Variants in LPA observed in about 807,000 individuals in gnomAD.
LPA encodes lipoprotein(a).
Under a neutral mutation model 197.9 loss-of-function variants are expected in LPA, and 199 were observed. That is an observed-to-expected ratio of 1.01 (90% CI 0.90 to 1.13). The LOEUF (loss-of-function observed/expected upper bound fraction) is 1.13. Ranked by LOEUF, LPA falls within the 50% of genes most tolerant of loss-of-function variation. LPA has a pLI of 0.00. For missense variants in LPA, 1,853 were observed against 1,785.8 expected (o/e 1.04, Z -0.68); for synonymous variants, 715 against 639.5 (o/e 1.12, Z -1.78).
intron 28 of LPA, among the ~76,000 whole-genome samples, chr6:160,574,450 G>A (rs550942199): frequency 2.6e-5 from 4 of 152,042 alleles, no homozygotes; most frequent in Non-Finnish European, 5.9e-5. Context: ...TTGTTAGAAA[G>A]TTCAGGTAGA....
chr6:160,569,803 C>G (rs953458151), intron 28 of LPA, among the ~76,000 whole-genome samples: 1 of 152,100 alleles, frequency 6.6e-6, no homozygotes, highest in Non-Finnish European at 1.5e-5. Context: ...AATCAAACAA[C>G]CCCATCAAAA....
At chr6:160,586,008 CAT>C (rs1302616743) in intron 25 of LPA, among the ~76,000 whole-genome samples, 1 of 152,058 alleles carries the variant, frequency 6.6e-6, no homozygotes, top group Non-Finnish European at 1.5e-5. Flanking sequence ...CTAATGAAGA[CAT>C]GTTAGGTTTC....
intron 28 of LPA, among the ~76,000 whole-genome samples, chr6:160,567,225 A>G (rs1274437068): frequency 1.3e-5 from 2 of 152,252 alleles, no homozygotes; most frequent in East Asian, 3.8e-4. Flanking sequence ...TTATTCTGAA[A>G]TTGACCAGAT....
At chr6:160,650,736 C>A (rs1387862995) in intron 1 of LPA, among the ~76,000 whole-genome samples, 1 of 152,178 alleles carries the variant, frequency 6.6e-6, no homozygotes, top group Non-Finnish European at 1.5e-5. Context: ...TATCAGAATT[C>A]TTCTCACCAG....
intron 16 of LPA, 115 bp downstream of exon 16, chr6:160,611,447 A>T: frequency 6.6e-7 from 1 of 1,526,294 alleles, no homozygotes; most frequent in East Asian, 2.2e-5. Flanking sequence ...ACATTTTGCT[A>T]CACCATCTGA....
At chr6:160,634,662 C>T (rs1176609207) in intron 7 of LPA, among the ~76,000 whole-genome samples, 4 of 151,404 alleles carry the variant, frequency 2.6e-5, no homozygotes, top group Admixed American at 2.6e-4. Flanking sequence ...GACCCAGGAC[C>T]ATATGGAATT....
chr6:160,592,371 G>A (rs765765572), intron 22 of LPA, among the ~76,000 whole-genome samples: 13 of 148,010 alleles, frequency 8.8e-5, no homozygotes, highest in Non-Finnish European at 1.7e-4. Context: ...ACTTTTCTCA[G>A]TTTTTAAATT....
intron 31 of LPA, 21 bp downstream of exon 31, chr6:160,548,457 G>A: frequency 6.2e-7 from 1 of 1,612,568 alleles, no homozygotes; most frequent in African/African-American, 1.3e-5. Flanking sequence ...TGCTAGACAA[G>A]GTAAGACACA....
chr6:160,662,168 A>G (rs926714103), intron 1 of LPA, among the ~76,000 whole-genome samples: 1 of 152,110 alleles, frequency 6.6e-6, no homozygotes, highest in Non-Finnish European at 1.5e-5. Flanking sequence ...GGCAATGGGG[A>G]TTTAATAGGG....
chr6:160,585,109 C>A lies in LPA; in HGVS notation c.4226G>T (p.Cys1409Phe). 6.2e-7 allele frequency: 1 copy of A among 1,613,852 alleles called. No individual in the cohort carries two copies. The highest frequency in any genetic ancestry group is 1.1e-5 in the South Asian group (1 of 91,086). The change falls in exon 26 of 39, where the codon TGT (cysteine) becomes TTT (phenylalanine). Residue 1409 changes from cysteine to phenylalanine, a missense_variant. Physicochemically the swap from Cys to Phe is radical, Grantham distance 205. Around this residue, in one of 3 missense-constraint regions of LPA, gnomAD observed 1,737 missense variants for 1,504.4 expected, o/e 1.15. Coordinates refer to ENST00000316300, the MANE Select transcript of LPA (RefSeq NM_005577.4). ...TGGTGTCATAGACGACCAAGACTGA[C>A]ATGTTCTTCCTGTGATAGTGGTGGA... The part of the protein sequence containing the change: ...TLSTTITGRT[C>F]QSWSSMTPHW...
At chr6:160,583,888 A>G (rs912902192) in intron 26 of LPA, among the ~76,000 whole-genome samples, 9 of 152,122 alleles carry the variant, frequency 5.9e-5, no homozygotes, top group African/African-American at 2.2e-4. Flanking sequence ...TCCCTTTCTA[A>G]ACTATCTCAG....
chr6:160,584,925 T>G, intron 26 of LPA, 121 bp downstream of exon 26: 3 of 1,017,670 alleles, frequency 2.9e-6, no homozygotes, highest in Non-Finnish European at 4.6e-6. Flanking sequence ...CCTGAGACAT[T>G]TTGCTACAAA....
intron 28 of LPA, among the ~76,000 whole-genome samples, chr6:160,566,430 C>A (rs933505571): frequency 2.6e-5 from 4 of 152,122 alleles, no homozygotes; most frequent in Non-Finnish European, 5.9e-5. Flanking sequence ...CCTTTACAGA[C>A]AAGCAAATGC....
chr6:160,602,711 G>A (rs953703612), intron 18 of LPA, among the ~76,000 whole-genome samples: 2 of 152,190 alleles, frequency 1.3e-5, no homozygotes, highest in East Asian at 1.9e-4. Flanking sequence ...TTTATTTGGG[G>A]CAGTGCACAA....
chr6:160,581,490 G>T (rs999437725), intron 26 of LPA, among the ~76,000 whole-genome samples: 1 of 152,022 alleles, frequency 6.6e-6, no homozygotes, highest in Non-Finnish European at 1.5e-5. Context: ...TTGTAGAGAT[G>T]AGGGTCTTGC....
rs762751349 is a variant in LPA at position 160,545,498 on chromosome 6, G to A, written c.5340C>T (p.Pro1780=). 3 of 1,613,504 alleles carry A rather than the reference G, an allele frequency of 1.9e-6. No homozygotes were observed. The highest frequency in any genetic ancestry group is 1.7e-6 in the Non-Finnish European group (2 of 1,179,614). The change falls in exon 33 of 39, where the codon CCC becomes CCT. Residue 1780 remains proline (P), a synonymous_variant. Coordinates refer to ENST00000316300, the MANE Select transcript of LPA (RefSeq NM_005577.4). ...CRNPDGDING[P]WCYTMNPRKL... Reference sequence around the variant, plus strand: ...TTCTTGGATTCATTGTGTAGCACCAGGGACCATTGATGTCACCATCAGGGT... The same window carrying A: ...TTCTTGGATTCATTGTGTAGCACCAAGGACCATTGATGTCACCATCAGGGT...
rs1554230951 is a variant in LPA at position 160,545,375 on chromosome 6, T to TG, written c.5398+64dup. On this transcript the variant is annotated intron_variant, in intron 33 of 38. Transcript: ENST00000316300. ...CTCAAAAGCCATTTTCTGTTTTTTTTGCTTTTTTTTTTCCAAATCCATATT... is the reference window on the plus strand; with the variant it reads ...CTCAAAAGCCATTTTCTGTTTTTTTTGGCTTTTTTTTTTCCAAATCCATATT... The TG allele has an allele frequency of 8.5e-6, 10 of 1,182,202 alleles. No individual in the cohort carries two copies. The East Asian group carries it at 1.2e-4, about 14-fold the overall frequency. 73.2% of individuals were successfully genotyped at this position (1,182,202 alleles called of 1,614,324 possible). A position where few individuals can be genotyped will look rare whatever the true frequency, so the allele number is the denominator to read the frequency against.
chr6:160,534,144 TC>T (rs989508630), intron 37 of LPA, among the ~76,000 whole-genome samples: 5 of 152,192 alleles, frequency 3.3e-5, no homozygotes, highest in Non-Finnish European at 7.3e-5. Flanking sequence ...AAGAGTCTCT[TC>T]CGCAGAGCTG....
At chr6:160,582,754 A>C (rs987466299) in intron 26 of LPA, among the ~76,000 whole-genome samples, 1 of 152,136 alleles carries the variant, frequency 6.6e-6, no homozygotes, top group Non-Finnish European at 1.5e-5. Context: ...TTAGAAAGTC[A>C]TCAGCCATCA....
Sources: allele counts gnomAD v4.1 joint callset (sites outside exome capture counted in the v4.1 genomes callset), GRCh38; gene constraint gnomAD v4.1.1; regional missense constraint gnomAD v4.1.1; transcripts MANE v1.5; gene names NCBI Gene and HGNC (gene_info 2026-07-23, HGNC 2026-07-21).